ADGRB3: variants seen among roughly 807,000 people sequenced by gnomAD.
The protein encoded by ADGRB3 is brain-specific angiogenesis inhibitor 3.
A neutral mutation model predicts 193.4 loss-of-function variants in ADGRB3; 37 were observed. That is an observed-to-expected ratio of 0.19 (90% CI 0.15 to 0.25). The LOEUF is 0.25. Ranked by LOEUF, ADGRB3 falls within the 10% of genes least tolerant of loss-of-function variation. The pLI is 1.00. For missense variants in ADGRB3, 1,637 were observed against 1,852.9 expected, an observed-to-expected ratio of 0.88 and a Z score of 2.14; for synonymous variants, 690 against 644.2, an observed-to-expected ratio of 1.07 and a Z score of -1.08.
chr6:68,800,783 G>T (rs1018481311), intron 3 of ADGRB3, among the ~76,000 whole-genome samples: 2 of 152,046 alleles, frequency 1.3e-5, no homozygotes, highest in Non-Finnish European at 2.9e-5. Context: ...GATGCATACC[G>T]ATGAAATTGT....
chr6:69,313,108 A>G (rs1206237296), intron 20 of ADGRB3, among the ~76,000 whole-genome samples: 1 of 151,882 alleles, frequency 6.6e-6, no homozygotes, highest in Non-Finnish European at 1.5e-5. Flanking sequence ...CAGTCAGTCC[A>G]TGACTGTCTG....
At chr6:68,808,371 T>C (rs1767447541) in intron 3 of ADGRB3, among the ~76,000 whole-genome samples, 1 of 152,068 alleles carries the variant, frequency 6.6e-6, no homozygotes, top group South Asian at 2.1e-4. Flanking sequence ...CACAGGCTTG[T>C]TACCTCTTTA....
At chr6:68,872,487 G>A (rs372600386) in intron 3 of ADGRB3, among the ~76,000 whole-genome samples, 1 of 152,056 alleles carries the variant, frequency 6.6e-6, no homozygotes, top group East Asian at 1.9e-4. Context: ...TGAACAATTT[G>A]TTGAAGAGCT....
intron 11 of ADGRB3, among the ~76,000 whole-genome samples, chr6:69,011,167 G>A (rs4385267): frequency 0.34 from 48,313 of 142,716 alleles, 8,309 homozygotes; most frequent in Non-Finnish European, 0.38. Flanking sequence ...GTGTGTGTGT[G>A]TATATATATA....
intron 3 of ADGRB3, among the ~76,000 whole-genome samples, chr6:68,726,394 T>C (rs1765674720): frequency 6.6e-6 from 1 of 151,608 alleles, no homozygotes; most frequent in Non-Finnish European, 1.5e-5. Context: ...GATCTCCTGA[T>C]TCCTGGTCTG....
At chr6:69,275,170 T>C (rs544504274) in intron 20 of ADGRB3, among the ~76,000 whole-genome samples, 7 of 152,174 alleles carry the variant, frequency 4.6e-5, no homozygotes, top group Non-Finnish European at 1.0e-4. Flanking sequence ...AGCATTGTGA[T>C]CTGACTAATA....
intron 3 of ADGRB3, among the ~76,000 whole-genome samples, chr6:68,909,565 T>C (rs956580018): frequency 9.2e-5 from 14 of 152,332 alleles, no homozygotes; most frequent in African/African-American, 3.4e-4. Context: ...AATGTTGTTG[T>C]CACTTCAGAA....
At chr6:69,172,513 G>A (rs528035056) in intron 17 of ADGRB3, among the ~76,000 whole-genome samples, 2 of 151,408 alleles carry the variant, frequency 1.3e-5, no homozygotes, top group Non-Finnish European at 2.9e-5. Context: ...GCATGGTGGC[G>A]GGTGCCTGTA....
chr6:69,071,603 CAA>C (rs1772082968), intron 16 of ADGRB3, among the ~76,000 whole-genome samples: 2 of 152,070 alleles, frequency 1.3e-5, no homozygotes, highest in South Asian at 4.1e-4. Context: ...TGAATGGAGC[CAA>C]GAGTGGCAGT....
chr6:68,977,806 C>T (rs1959407), intron 10 of ADGRB3, among the ~76,000 whole-genome samples: 32,887 of 145,462 alleles, frequency 0.23, 4,461 homozygotes, highest in Middle Eastern at 0.4. Context: ...GTGTCCATGC[C>T]GCAGTTTACA....
intron 26 of ADGRB3, among the ~76,000 whole-genome samples, chr6:69,352,826 CA>C (rs1328036565): frequency 1.3e-5 from 2 of 152,154 alleles, no homozygotes; most frequent in Non-Finnish European, 2.9e-5. Context: ...TATCTCACAT[CA>C]AAATGGTGAC....
At chr6:69,237,660 T>G (rs1288954217) in intron 19 of ADGRB3, among the ~76,000 whole-genome samples, 1 of 152,052 alleles carries the variant, frequency 6.6e-6, no homozygotes, top group Non-Finnish European at 1.5e-5. Flanking sequence ...TATCATATTT[T>G]TGTCTATTTA....
chr6:68,733,437 C>A (rs1765811873), intron 3 of ADGRB3, among the ~76,000 whole-genome samples: 1 of 151,428 alleles, frequency 6.6e-6, no homozygotes, highest in African/African-American at 2.4e-5. Context: ...GTGAGCTAAA[C>A]AATGGATATA....
At chr6:68,782,960 C>T (rs41328149) in intron 3 of ADGRB3, among the ~76,000 whole-genome samples, 25,329 of 151,536 alleles carry the variant, frequency 0.17, 2,919 homozygotes, top group East Asian at 0.66. Context: ...ACGTTAACTC[C>T]GCTGTGGAAA....
At chr6:69,153,108 G>A (rs1386077180) in intron 17 of ADGRB3, among the ~76,000 whole-genome samples, 5 of 152,026 alleles carry the variant, frequency 3.3e-5, no homozygotes, top group Admixed American at 1.3e-4. Context: ...TATTTAAAAT[G>A]TAGGAAACCT....
intron 5 of ADGRB3, among the ~76,000 whole-genome samples, chr6:68,938,559 C>G (rs1248009492): frequency 6.6e-6 from 1 of 151,690 alleles, no homozygotes; most frequent in Non-Finnish European, 1.5e-5. Flanking sequence ...AACATCCACT[C>G]TCTCTACATT....
At chr6:68,827,666 TG>T (rs1160034381) in intron 3 of ADGRB3, among the ~76,000 whole-genome samples, 1 of 151,158 alleles carries the variant, frequency 6.6e-6, no homozygotes, top group Non-Finnish European at 1.5e-5. Context: ...GGGTTTTTTT[TG>T]GGGGGGAGGG....
intron 17 of ADGRB3, among the ~76,000 whole-genome samples, chr6:69,218,068 CAAAAAAA>C (rs556270079): frequency 4.1e-4 from 33 of 81,198 alleles, no homozygotes; most frequent in South Asian, 2.4e-3. Context: ...CTCCAGCTGA[CAAAAAAA>C]AAAAAAAAAA....
intron 5 of ADGRB3, 102 bp from the exon 6 acceptor site, chr6:68,943,725 TTTA>T: frequency 1.1e-6 from 1 of 926,096 alleles, no homozygotes; most frequent in East Asian, 2.7e-5. Context: ...TTAACATATC[TTTA>T]CATTTGTCTA....
Sources: gnomAD v4.1 joint callset for allele counts (sites outside exome capture counted in the v4.1 genomes callset) on GRCh38, gnomAD v4.1.1 for gene constraint, MANE v1.5 for transcripts, NCBI Gene and HGNC (gene_info 2026-07-23, HGNC 2026-07-21) for gene names.